Variants in SNX30 observed in about 807,000 individuals in gnomAD.
The protein encoded by SNX30 is sorting nexin family member 30, also known as sorting nexin-30.
A neutral mutation model predicts 46.4 loss-of-function variants in SNX30; 24 were observed. The ratio of observed to expected loss-of-function variants is 0.52; its 90% confidence interval spans 0.37 to 0.73. The LOEUF (loss-of-function observed/expected upper bound fraction) is 0.73. SNX30 is among the 30% of genes least tolerant of loss of function. SNX30 has a pLI of 0.00. For missense variants in SNX30, 533 were observed against 555.7 expected (o/e 0.96, Z 0.41); for synonymous variants, 189 against 211.5 (o/e 0.89, Z 0.92).
chr9:112,864,105 A>G (rs1841280080), intron 7 of SNX30, 142 bp from the exon 8 acceptor site: 4 of 882,348 alleles, frequency 4.5e-6, no homozygotes, highest in Non-Finnish European at 6.9e-6. Context: ...TTGCTTTCAA[A>G]TAAATGCCTC....
At chr9:112,818,621 G>C (rs1344109619) in intron 3 of SNX30, among the ~76,000 whole-genome samples, 4 of 152,192 alleles carry the variant, frequency 2.6e-5, no homozygotes, top group African/African-American at 9.7e-5. Context: ...GGGCCTTGGG[G>C]GCTTTAGAGC....
intron 2 of SNX30, among the ~76,000 whole-genome samples, chr9:112,811,477 G>A (rs1344417038): frequency 6.6e-6 from 1 of 152,170 alleles, no homozygotes; most frequent in Non-Finnish European, 1.5e-5. Flanking sequence ...GGTGAGTGGG[G>A]CCCAGTAGGT....
intron 2 of SNX30, among the ~76,000 whole-genome samples, chr9:112,817,057 C>G (rs1211574334): frequency 3.3e-5 from 5 of 152,092 alleles, no homozygotes; most frequent in Admixed American, 2.0e-4. Context: ...TTTTTCTTAT[C>G]TGTCTAAAAT....
intron 1 of SNX30, among the ~76,000 whole-genome samples, chr9:112,779,186 A>T (rs1379174364): frequency 1.3e-5 from 2 of 152,166 alleles, no homozygotes; most frequent in Admixed American, 1.3e-4. Flanking sequence ...TGAGGGCTCT[A>T]GCTGGTCCTG....
chr9:112,836,840 C>T (rs1292683906), intron 5 of SNX30, among the ~76,000 whole-genome samples: 4 of 152,124 alleles, frequency 2.6e-5, no homozygotes, highest in African/African-American at 4.8e-5. Context: ...CCTGATGAAT[C>T]TTCAGACTTG....
intron 3 of SNX30, among the ~76,000 whole-genome samples, chr9:112,825,158 T>C (rs1182677970): frequency 6.6e-6 from 1 of 152,220 alleles, no homozygotes; most frequent in Non-Finnish European, 1.5e-5. Context: ...TTTTGAGGAA[T>C]TGTTCAAACG....
At chr9:112,883,641 CAG>C (rs1004670647), downstream of SNX30, among the ~76,000 whole-genome samples, 4 of 150,564 alleles carry the variant, frequency 2.7e-5, no homozygotes, top group African/African-American at 7.3e-5. Context: ...CTGGAGAAGA[CAG>C]GGAGATTCTG....
At chr9:112,795,765 T>TCTCACACA (rs34877094) in intron 1 of SNX30, among the ~76,000 whole-genome samples, 1,876 of 123,314 alleles carry the variant, frequency 0.015, 18 homozygotes, top group Admixed American at 0.024. Flanking sequence ...CACAGTACAG[T>TCTCACACA]CACACACACA....
intron 3 of SNX30, among the ~76,000 whole-genome samples, chr9:112,819,359 G>A (rs898137488): frequency 2.2e-5 from 3 of 136,728 alleles, no homozygotes; most frequent in South Asian, 2.5e-4. Flanking sequence ...CTCTGCCCCC[G>A]GAGTTCAAGC....
intron 4 of SNX30, among the ~76,000 whole-genome samples, chr9:112,833,078 C>T (rs1840695052): frequency 6.6e-6 from 1 of 151,944 alleles, no homozygotes; most frequent in South Asian, 2.1e-4. Flanking sequence ...ACTATCCTAA[C>T]AATTTCTAAG....
chr9:112,767,522 T>G (rs1183110526), intron 1 of SNX30, among the ~76,000 whole-genome samples: 1 of 152,046 alleles, frequency 6.6e-6, no homozygotes, highest in Non-Finnish European at 1.5e-5. Context: ...TTCCCCTATG[T>G]TTTTTTTCCT....
intron 5 of SNX30, among the ~76,000 whole-genome samples, chr9:112,880,969 C>T (rs1359663926): frequency 6.6e-6 from 1 of 152,190 alleles, no homozygotes; most frequent in Non-Finnish European, 1.5e-5. Flanking sequence ...GAATCTCTTT[C>T]CATCTCACTT....
At chr9:112,769,011 G>A (rs961651126) in intron 1 of SNX30, among the ~76,000 whole-genome samples, 1 of 152,168 alleles carries the variant, frequency 6.6e-6, no homozygotes, top group Non-Finnish European at 1.5e-5. Flanking sequence ...AATTCACTCA[G>A]AGGAAGTTCA....
chr9:112,794,514 T>C (rs992971120), intron 1 of SNX30, among the ~76,000 whole-genome samples: 2 of 152,178 alleles, frequency 1.3e-5, no homozygotes, highest in African/African-American at 2.4e-5. Flanking sequence ...AAAAGTAATA[T>C]GCAGTCTGTG....
At chr9:112,880,944 A>G (rs1240430249) in intron 5 of SNX30, among the ~76,000 whole-genome samples, 1 of 151,796 alleles carries the variant, frequency 6.6e-6, no homozygotes, top group Non-Finnish European at 1.5e-5. Context: ...TTGCATCCAC[A>G]TTTTCTTTTT....
intron 1 of SNX30, among the ~76,000 whole-genome samples, chr9:112,752,461 A>T (rs1172470314): frequency 6.6e-6 from 1 of 151,944 alleles, no homozygotes; most frequent in Admixed American, 6.6e-5. Flanking sequence ...ACATACGCAC[A>T]CAGCATGGTG....
chr9:112,885,591 A>G (rs1841632419), downstream of SNX30: 1 of 152,112 alleles, frequency 6.6e-6, no homozygotes, highest in South Asian at 2.1e-4. Flanking sequence ...GGGTTACTGA[A>G]TACTTGAAAT....
chr9:112,794,450 C>G (rs1485282828), intron 1 of SNX30, among the ~76,000 whole-genome samples: 2 of 152,252 alleles, frequency 1.3e-5, no homozygotes, highest in African/African-American at 4.8e-5. Flanking sequence ...TGCGCGTGGC[C>G]AACACATTCT....
At chr9:112,818,476 G>A (rs1840440856) in intron 3 of SNX30, among the ~76,000 whole-genome samples, 1 of 152,076 alleles carries the variant, frequency 6.6e-6, no homozygotes, top group South Asian at 2.1e-4. Flanking sequence ...GTGATCCACC[G>A]ACCTCAGCCT....
Sources: allele counts gnomAD v4.1 joint callset (sites outside exome capture counted in the v4.1 genomes callset), GRCh38; gene constraint gnomAD v4.1.1; transcripts MANE v1.5; gene names NCBI Gene and HGNC (gene_info 2026-07-23, HGNC 2026-07-21).